ECE1: variants seen among roughly 807,000 people sequenced by gnomAD.
ECE1 encodes the protein endothelin-converting enzyme 1.
ECE1 carries 35 observed loss-of-function variants against 98.6 expected under a neutral mutation model. That is an observed-to-expected ratio of 0.35 (90% CI 0.27 to 0.47). ECE1 has a LOEUF of 0.47. ECE1 is among the 20% of genes least tolerant of loss of function. ECE1 has a pLI of 1.00. For synonymous variants in ECE1, 394 were observed against 407.1 expected, an observed-to-expected ratio of 0.97 and a Z score of 0.39; for missense variants, 814 against 1,025.3, an observed-to-expected ratio of 0.79 and a Z score of 2.81.
At chr1:21,284,438 G>A (rs1013521171) in intron 2 of ECE1, among the ~76,000 whole-genome samples, 5 of 152,188 alleles carry the variant, frequency 3.3e-5, no homozygotes, top group Non-Finnish European at 5.9e-5. Flanking sequence ...ATTGTCGTGG[G>A]AGGCAGAAAG....
At chr1:21,245,165 C>T (rs2098201707) in intron 9 of ECE1, 62 bp from the exon 10 acceptor site, 2 of 1,424,180 alleles carry the variant, frequency 1.4e-6, no homozygotes, top group Non-Finnish European at 2.0e-6. Flanking sequence ...TGCGGCCCTT[C>T]CCCTGCTGGC....
At position 21,238,235 on chromosome 1, in the gene ECE1, G is replaced by A. The variant is rs1227922518; in HGVS notation, c.1288C>T (p.Pro430Ser). 1.2e-6 allele frequency: 2 copies of A among 1,614,126 alleles called. No individual in the cohort carries two copies. Among genetic ancestry groups the A allele is most frequent in the Non-Finnish European group, 1.7e-6 (2 of 1,179,978 alleles). Residue 430 changes from proline to serine, a missense_variant, in exon 11 of 19, where the codon CCT becomes TCT. By Grantham distance (74) the Pro-to-Ser change is moderately conservative. Around this residue, in one of 3 missense-constraint regions of ECE1, gnomAD observed 452 missense variants for 567.3 expected, o/e 0.80. Transcript: ENST00000374893. ...VMYGTKKTCL[P>S]RWKFCVSDTE... ...TCACTCACGCAAAACTTCCAGCGAG[G>A]AAGACAGGTCTGGAAAACACAAGTC...
At chr1:21,284,972 G>A (rs926131004) in intron 2 of ECE1, among the ~76,000 whole-genome samples, 8 of 152,136 alleles carry the variant, frequency 5.3e-5, no homozygotes, top group Non-Finnish European at 1.2e-4. Context: ...CCCAGCCTGC[G>A]AGGAACCCTG....
At chr1:21,236,892 G>T (rs1035652688) in intron 11 of ECE1, 48 bp from the exon 12 acceptor site, 5 of 1,535,350 alleles carry the variant, frequency 3.3e-6, no homozygotes, top group Non-Finnish European at 4.5e-6. Flanking sequence ...CTGGTCTCAG[G>T]TAAATGCAAC....
At chr1:21,341,913 C>T (rs12085887) in intron 1 of ECE1, among the ~76,000 whole-genome samples, 15,246 of 152,018 alleles carry the variant, frequency 0.1, 2,519 homozygotes, top group African/African-American at 0.34. Context: ...GCTGGGACTA[C>T]AAGCGTGAGC....
At chr1:21,281,195 A>AC (rs1468452116) in intron 2 of ECE1, among the ~76,000 whole-genome samples, 2 of 135,836 alleles carry the variant, frequency 1.5e-5, no homozygotes, top group African/African-American at 5.1e-5. Context: ...GTCTCGGAAA[A>AC]CAAAACAAAA....
chr1:21,308,428 C>A (rs147945262), intron 1 of ECE1, among the ~76,000 whole-genome samples: 106 of 152,164 alleles, frequency 7.0e-4, no homozygotes, highest in African/African-American at 2.4e-3. Flanking sequence ...GGGGAACAGC[C>A]CTTCTCTGGA....
At position 21,314,317 on chromosome 1, in the gene ECE1, C is replaced by T. The variant is rs547894090; in HGVS notation, c.4-24161G>A. Among the ~76,000 whole-genome samples the T allele has an allele frequency of 2.6e-5, 4 of 152,360 alleles. No homozygotes were observed. The South Asian group carries it at 8.3e-4, about 32-fold the overall frequency. ...CCTTCCTGGGACACTCACGCAGCCA[C>T]ATTCCCAAACCCCCTCCCGGGCCCC... On this transcript the variant is annotated intron_variant, in intron 1 of 18. Coordinates refer to the ECE1 transcript ENST00000415912.
At chr1:21,305,854 T>C (rs1638584809) in intron 1 of ECE1, among the ~76,000 whole-genome samples, 1 of 152,176 alleles carries the variant, frequency 6.6e-6, no homozygotes, top group African/African-American at 2.4e-5. Flanking sequence ...GCTGTGGTCA[T>C]GGTGGCAGGA....
At chr1:21,312,659 C>T (rs575908346) in intron 1 of ECE1, among the ~76,000 whole-genome samples, 2 of 152,186 alleles carry the variant, frequency 1.3e-5, no homozygotes, top group Admixed American at 1.3e-4. Context: ...CCCCAGCTGA[C>T]ACAGCACGTG....
intron 1 of ECE1, among the ~76,000 whole-genome samples, chr1:21,333,241 G>GT (rs1449037601): frequency 6.8e-6 from 1 of 146,374 alleles, no homozygotes; most frequent in Non-Finnish European, 1.5e-5. Flanking sequence ...GAGCTGCCCA[G>GT]TTTTTCACCC....
chr1:21,246,935 C>T (rs751345083), intron 9 of ECE1, among the ~76,000 whole-genome samples: 5 of 152,224 alleles, frequency 3.3e-5, no homozygotes, highest in Non-Finnish European at 7.3e-5. Context: ...CCCGCAATTA[C>T]GGGCGTTCAT....
In ECE1 at chr1:21,260,159, A is replaced by G; in HGVS notation, c.615+112T>C. ...CTCTTTCTGTCTTTCTCTTGGTGCTACCGGCTGGACGTATGAGGTGGGCCA... is the reference window on the plus strand; with the variant it reads ...CTCTTTCTGTCTTTCTCTTGGTGCTGCCGGCTGGACGTATGAGGTGGGCCA... On this transcript the variant is annotated intron_variant, in intron 5 of 18. Coordinates refer to ENST00000374893, the MANE Select transcript of ECE1 (RefSeq NM_001397.3). The surrounding 1 kb of genome is among the most constrained non-coding windows in gnomAD (Gnocchi z 4.3). 2.0e-6 allele frequency: 3 copies of G among 1,479,382 alleles called. No homozygotes were observed. The highest frequency in any genetic ancestry group is 2.8e-6 in the Non-Finnish European group (3 of 1,060,466). The allele number at this position is 1,479,382 out of a possible 1,614,324, so 91.6% of individuals were successfully genotyped here.
At chr1:21,323,244 A>G (rs185286646) in intron 1 of ECE1, among the ~76,000 whole-genome samples, 47 of 152,276 alleles carry the variant, frequency 3.1e-4, no homozygotes, top group South Asian at 6.2e-4. Flanking sequence ...TTGAGGGCGT[A>G]GGTGGAGAAA....
In ECE1 at chr1:21,345,334, G is replaced by C. The variant is rs1266290304; in HGVS notation, c.3+42C>G. On this transcript the variant is annotated intron_variant, in intron 1 of 18. Coordinates refer to the ECE1 transcript ENST00000415912. This position sits in a 1 kb window ranked among gnomAD's most constrained non-coding sequence, Gnocchi z 5.1. ...CGGCACCGCTGCCCGCGACCGTCGA[G>C]GCTGGGCTGGACCGGACCAGACCTC... is the stretch of plus-strand genomic sequence containing the variant. The C allele has an allele frequency of 3.7e-6, 5 of 1,355,306 alleles. No homozygotes were observed. The highest frequency in any genetic ancestry group is 4.8e-6 in the Non-Finnish European group (5 of 1,045,858). 84.0% of individuals were successfully genotyped at this position (1,355,306 alleles called of 1,614,324 possible).
At position 21,263,075 on chromosome 1, in the gene ECE1, A is replaced by G. The variant is rs899188170; in HGVS notation, c.494-2683T>C. Among the ~76,000 whole-genome samples the G allele has an allele frequency of 5.3e-5, 8 of 152,174 alleles. 1 individual carries two copies. The highest frequency in any genetic ancestry group is 2.0e-4 in the Admixed American group (3 of 15,288). On this transcript the variant is annotated intron_variant, in intron 4 of 18. Transcript: ENST00000374893. ...GGGGAGGGCGGGAGGAGACCAGGGA[A>G]GCCAAGCAAGGCCCCGGGGAAGCTT...
chr1:21,324,838 C>T (rs752099833), intron 1 of ECE1, among the ~76,000 whole-genome samples: 1 of 152,224 alleles, frequency 6.6e-6, no homozygotes, highest in African/African-American at 2.4e-5. Flanking sequence ...GGGCGTCACC[C>T]AGCACTGCTC....
intron 1 of ECE1, chr1:21,298,789 C>T (rs1300341924): frequency 2.2e-6 from 1 of 456,186 alleles, no homozygotes; most frequent in African/African-American, 2.0e-5. Context: ...CGGCAATCAC[C>T]ACCTCCTTCT....
chr1:21,302,601 T>C (rs213059), intron 1 of ECE1, among the ~76,000 whole-genome samples: 70,443 of 151,912 alleles, frequency 0.46, 16,736 homozygotes, highest in African/African-American at 0.58. Context: ...CATGCCCCTT[T>C]TCAGGCTCCA....
Sources: allele counts gnomAD v4.1 joint callset (sites outside exome capture counted in the v4.1 genomes callset), GRCh38; gene constraint gnomAD v4.1.1; regional missense constraint gnomAD v4.1.1; non-coding constraint Gnocchi (gnomAD v3.1); transcripts MANE v1.5; gene names NCBI Gene and HGNC (gene_info 2026-07-23, HGNC 2026-07-21).